Variants in UROC1 observed in about 807,000 individuals in gnomAD.
UROC1 encodes the protein urocanate hydratase 1.
Under a neutral mutation model 89.5 loss-of-function variants are expected in UROC1, and 79 were observed. The observed-to-expected ratio is 0.88, with a 90% CI of 0.74 to 1.06. The LOEUF (loss-of-function observed/expected upper bound fraction) is 1.06. UROC1 is among the 50% of genes least tolerant of loss of function. The pLI is 0.00. For synonymous variants in UROC1, 361 were observed against 354.8 expected (o/e 1.02, Z -0.20); for missense variants, 885 against 907.8 (o/e 0.97, Z 0.32).
rs547145448 is a variant in UROC1 at position 126,512,365 on chromosome 3, C to T, written c.127-1571G>A. On this transcript the variant is annotated intron_variant, in intron 1 of 19. Coordinates refer to ENST00000290868, the MANE Select transcript of UROC1 (RefSeq NM_144639.3). Reference sequence around the variant, plus strand: ...CGGAACAATGGGCACTGCGGCACTGCGGCACTTCATCCAGCTCCCTCCAGA... The same window carrying T: ...CGGAACAATGGGCACTGCGGCACTGTGGCACTTCATCCAGCTCCCTCCAGA... Among the ~76,000 whole-genome samples the T allele has an allele frequency of 1.3e-3, 195 of 152,356 alleles. 1 individual carries two copies. The highest frequency in any genetic ancestry group is 4.2e-3 in the African/African-American group (175 of 41,578).
At chr3:126,506,410 C>A (rs6439014) in intron 6 of UROC1, among the ~76,000 whole-genome samples, 9,318 of 152,208 alleles carry the variant, frequency 0.061, 857 homozygotes, top group African/African-American at 0.2. Context: ...TGCTGAGATG[C>A]CCCTCCACCG....
In UROC1 at chr3:126,481,512, C is replaced by G. The variant is rs1178623542; in HGVS notation, c.*833G>C. 1 of 152,218 alleles carries G rather than the reference C, an allele frequency of 6.6e-6. No homozygotes were observed. The highest frequency in any genetic ancestry group is 2.4e-5 in the African/African-American group (1 of 41,450). 9.4% of individuals were successfully genotyped at this position (152,218 alleles called of 1,614,324 possible). On this transcript the variant is annotated 3_prime_UTR_variant, in exon 20 of 20. Transcript: ENST00000290868. ...TGGCCCTCAGAGGCCCACCCACAGA[C>G]TCTTTCTCATTTCTCTGTTTAGGAT...
rs773168613 is a variant in UROC1, at chr3:126,500,145, C to T, written c.1155G>A (p.Arg385=). The T allele has an allele frequency of 5.6e-6, 9 of 1,613,606 alleles. No individual in the cohort carries two copies. Among genetic ancestry groups the T allele is most frequent in the East Asian group, 2.2e-5 (1 of 44,880 alleles). ...CCAACCTGTTGATGGCTGAGACTTG[C>T]CTCCTCAGGCTGCAACAAGCCATGG... The part of the protein sequence containing the change: ...FKDLVQESLR[R]QVSAINRLAE... Residue 385 remains arginine (R), a synonymous_variant, in exon 12 of 20, where the codon AGG becomes AGA. Transcript: ENST00000290868.
At chr3:126,504,905 G>A (rs528923211) in intron 8 of UROC1, among the ~76,000 whole-genome samples, 1 of 152,202 alleles carries the variant, frequency 6.6e-6, no homozygotes, top group African/African-American at 2.4e-5. Flanking sequence ...CCTGGTGTTG[G>A]AAGTGGGGCC....
chr3:126,509,449 G>A lies in UROC1; in HGVS notation c.351+136C>T, dbSNP rs1412644085. On this transcript the variant is annotated intron_variant, in intron 3 of 19. Coordinates refer to ENST00000290868, the MANE Select transcript of UROC1 (RefSeq NM_144639.3). ...TGGGGGAAGCCGAGGGAAGGGCCAG[G>A]GACCTCTCTTACTAGCTTTGCAACT... 5 of 830,976 alleles carry A rather than the reference G, an allele frequency of 6.0e-6. No individual in the cohort carries two copies. In the Admixed American group the frequency reaches 1.0e-4, roughly 17 times the overall value. 51.5% of individuals were successfully genotyped at this position (830,976 alleles called of 1,614,324 possible). A position where few individuals can be genotyped will look rare whatever the true frequency, so the allele number is the denominator to read the frequency against.
intron 1 of UROC1, 91 bp from the exon 2 acceptor site, chr3:126,510,885 A>T: frequency 6.5e-7 from 1 of 1,531,668 alleles, no homozygotes; most frequent in Non-Finnish European, 8.8e-7. Context: ...TCCCAAATGG[A>T]TTTGTCTCTG....
rs748861469 is a variant in UROC1, at chr3:126,500,805, G to A, written c.1035C>T (p.Ser345=). Residue 345 remains serine, a synonymous_variant, in exon 11 of 20, where the codon TCC becomes TCT. Coordinates refer to ENST00000290868, the MANE Select transcript of UROC1 (RefSeq NM_144639.3). ...CLVDLGSDQT[S]CHNPFNGGYY... ...AGCCGCCATTGAACGGGTTGTGGCAGGATGTCTGATCTGACCCCAGGTCCA... is the reference window on the plus strand; with the variant it reads ...AGCCGCCATTGAACGGGTTGTGGCAAGATGTCTGATCTGACCCCAGGTCCA... The A allele has an allele frequency of 6.2e-7, 1 of 1,614,070 alleles. No individual in the cohort carries two copies. The highest frequency in any genetic ancestry group is 1.1e-5 in the South Asian group (1 of 91,082).
chr3:126,490,444 C>T (rs942795685), intron 16 of UROC1, among the ~76,000 whole-genome samples: 17 of 152,100 alleles, frequency 1.1e-4, no homozygotes, highest in African/African-American at 1.4e-4. Context: ...CGTAACACTT[C>T]GGGAGGCCAA....
At chr3:126,493,246 G>A (rs569677874) in intron 15 of UROC1, among the ~76,000 whole-genome samples, 61 of 152,168 alleles carry the variant, frequency 4.0e-4, no homozygotes, top group Middle Eastern at 3.4e-3. Context: ...GGCATGGGTC[G>A]GGATGCTGCT....
chr3:126,497,590 T>C (rs1935808031), intron 14 of UROC1, among the ~76,000 whole-genome samples: 1 of 152,206 alleles, frequency 6.6e-6, no homozygotes, highest in Non-Finnish European at 1.5e-5. Context: ...AGCACTGCTG[T>C]CAGCACTGCC....
intron 9 of UROC1, among the ~76,000 whole-genome samples, chr3:126,502,422 ATGTGTT>A (rs1935952082): frequency 6.8e-6 from 1 of 146,654 alleles, no homozygotes; most frequent in Admixed American, 6.7e-5. Context: ...TATGTGTGTT[ATGTGTT>A]TGTGTTTATT....
chr3:126,499,636 G>A (rs1047799119), intron 12 of UROC1, among the ~76,000 whole-genome samples: 2 of 152,258 alleles, frequency 1.3e-5, no homozygotes, highest in African/African-American at 4.8e-5. Flanking sequence ...CCTCCAGCGC[G>A]CCAGAGCCCG....
Position 126,500,884 on chromosome 3 carries a change from C to T in UROC1, c.966-10G>A, listed in dbSNP as rs1248484754. 2.5e-6 allele frequency: 4 copies of T among 1,613,188 alleles called. No individual in the cohort carries two copies. Among genetic ancestry groups the T allele is most frequent in the Admixed American group, 3.3e-5 (2 of 59,990 alleles). ...GTGGACCAGGCGCTCCCTGGGGAAG[C>T]CATGCGGTGGTCAGTGCAAGCCACA... On this transcript the variant is annotated splice_polypyrimidine_tract_variant and intron_variant, in intron 10 of 19. Coordinates refer to ENST00000290868, the MANE Select transcript of UROC1 (RefSeq NM_144639.3).
At position 126,489,746 on chromosome 3, in the gene UROC1, G is replaced by A. The variant is rs376900653; in HGVS notation, c.1609-371C>T. 5.3e-5 allele frequency among the ~76,000 whole-genome samples: 8 copies of A among 152,284 alleles called. No individual in the cohort carries two copies. In the East Asian group the frequency reaches 5.8e-4, roughly 11 times the overall value. On this transcript the variant is annotated intron_variant, in intron 16 of 19. Transcript: ENST00000290868. ...TTTAACCCCACACGTGTTATATGCC[G>A]GCGCTCCTCGTCTTACGATGGTGCT...
chr3:126,514,176 T>A (rs918920602), intron 1 of UROC1, among the ~76,000 whole-genome samples: 1 of 152,218 alleles, frequency 6.6e-6, no homozygotes, highest in African/African-American at 2.4e-5. Flanking sequence ...TCTGCAAACA[T>A]CTGCTGCTGT....
rs753694664 is a variant in UROC1 at position 126,505,997 on chromosome 3, G to T, written c.617C>A (p.Thr206Lys). The change falls in exon 7 of 20, where the codon ACA becomes AAA. Residue 206 changes from threonine to lysine, a missense_variant. Thr to Lys is a moderately conservative substitution (Grantham distance 78). Transcript: ENST00000290868. ...ACCGATGTAGCAGTAGCTACCTGCT[G>T]TCATCTGGCCGTACCTGACCACAGG... The part of the protein sequence containing the change: ...ALGVTMYGQM[T>K]AGSYCYIGPQ... 4 of 1,613,404 alleles carry T rather than the reference G, an allele frequency of 2.5e-6. No individual in the cohort carries two copies. In the South Asian group the frequency reaches 3.3e-5, roughly 13 times the overall value.
Position 126,500,149 on chromosome 3 carries a change from C to T in UROC1, c.1151G>A (p.Arg384Lys). ...CCTGTTGATGGCTGAGACTTGCCTC[C>T]TCAGGCTGCAACAAGCCATGGGTCA... ...VFKDLVQESL[R>K]RQVSAINRLA... is the part of the protein sequence containing the mutation. The change falls in exon 12 of 20, where the codon AGG (arginine) becomes AAG (lysine). Residue 384 changes from arginine to lysine, a missense_variant. Coordinates refer to ENST00000290868, the MANE Select transcript of UROC1 (RefSeq NM_144639.3). The T allele has an allele frequency of 1.2e-6, 2 of 1,613,682 alleles. No homozygotes were observed. The highest frequency in any genetic ancestry group is 2.2e-5 in the South Asian group (2 of 91,090).
At chr3:126,505,094 C>T (rs1318914574) in intron 8 of UROC1, among the ~76,000 whole-genome samples, 2 of 152,180 alleles carry the variant, frequency 1.3e-5, no homozygotes, top group Admixed American at 6.5e-5. Flanking sequence ...ACCAGACCCC[C>T]TTCACCTTCC....
chr3:126,511,918 G>GT (rs1170373526), intron 1 of UROC1, among the ~76,000 whole-genome samples: 4 of 151,822 alleles, frequency 2.6e-5, no homozygotes, highest in Non-Finnish European at 4.4e-5. Context: ...TATATCAAGG[G>GT]TTTTTTTTCT....
Sources: gnomAD v4.1 joint callset for allele counts (sites outside exome capture counted in the v4.1 genomes callset) on GRCh38, gnomAD v4.1.1 for gene constraint, MANE v1.5 for transcripts, NCBI Gene and HGNC (gene_info 2026-07-23, HGNC 2026-07-21) for gene names.